The following ROBO4 variants were observed in gnomAD, a reference collection of about 807,000 sequenced individuals.
The protein encoded by ROBO4 is roundabout homolog 4.
In ROBO4, 80 loss-of-function variants were observed where a neutral mutation model predicts 103.3. The observed-to-expected ratio is 0.77, with a 90% confidence interval of 0.65 to 0.93. The LOEUF (loss-of-function observed/expected upper bound fraction) is 0.93. Ranked by LOEUF, ROBO4 falls within the 40% of genes least tolerant of loss-of-function variation. ROBO4 has a pLI of 0.00. For synonymous variants in ROBO4, 504 were observed against 529.7 expected, an observed-to-expected ratio of 0.95 and a Z score of 0.67; for missense variants, 1,333 against 1,305.3, an observed-to-expected ratio of 1.02 and a Z score of -0.33.
In ROBO4 at chr11:124,887,828, G is replaced by A; in HGVS notation, c.1961C>T (p.Ala654Val). 1 of 1,613,308 alleles carries A rather than the reference G, an allele frequency of 6.2e-7. No homozygotes were observed. The highest frequency in any genetic ancestry group is 8.5e-7 in the Non-Finnish European group (1 of 1,179,706). Residue 654 changes from alanine (A) to valine (V), a missense_variant, in exon 13 of 18, where the codon GCC (alanine) becomes GTC (valine). Transcript: ENST00000306534. ...GCCCCGGAGCAGTGGGGAACTGTTG[G>A]CATGCTGCAGCTCTGCAAAGAAAGG... ...KAKKKQELQH[A>V]NSSPLLRGSH... is the part of the protein sequence containing the mutation.
Position 124,891,818 on chromosome 11 carries a change from G to A in ROBO4, c.1548-16C>T. 1.2e-6 allele frequency: 2 copies of A among 1,613,774 alleles called. No homozygotes were observed. The highest frequency in any genetic ancestry group is 1.7e-6 in the Non-Finnish European group (2 of 1,179,840). On this transcript the variant is annotated splice_polypyrimidine_tract_variant and intron_variant, in intron 10 of 17. Coordinates refer to ENST00000306534, the MANE Select transcript of ROBO4 (RefSeq NM_019055.6). The stretch of plus-strand genomic sequence containing the variant: ...GTGATCCATCCTGGGGCAGTGGAGG[G>A]AGGGGGTGAGGCCAGGAGAAACAGG...
In ROBO4 at chr11:124,887,853, G is replaced by C; in HGVS notation, c.1949-13C>G. 6.2e-7 allele frequency: 1 copy of C among 1,607,896 alleles called. No homozygotes were observed. On this transcript the variant is annotated splice_polypyrimidine_tract_variant and intron_variant, in intron 12 of 17. Transcript: ENST00000306534. ...GCATGCTGCAGCTCTGCAAAGAAAGGGTTGGTGGTTGTGGGGCCCAGGATG... is the reference window on the plus strand; with the variant it reads ...GCATGCTGCAGCTCTGCAAAGAAAGCGTTGGTGGTTGTGGGGCCCAGGATG...
Position 124,894,219 on chromosome 11 carries a change from G to T in ROBO4, c.1300C>A (p.Pro434Thr). 1 of 1,612,890 alleles carries T rather than the reference G, an allele frequency of 6.2e-7. No homozygotes were observed. The highest frequency in any genetic ancestry group is 8.5e-7 in the Non-Finnish European group (1 of 1,179,542). ...CCCTCACCTAAAAGGAGGCAGACAG[G>T]TCTACTGGGCTCCCCAGCTCCAGCA... Reference protein sequence around the residue: ...TGAGAGEPSRPVCLLLEQAME... With the variant: ...TGAGAGEPSRTVCLLLEQAME... Residue 434 changes from proline (P) to threonine (T), a missense_variant, in exon 8 of 18, where the codon CCT becomes ACT. By Grantham distance (38) the Pro-to-Thr change is conservative. Transcript: ENST00000306534.
Position 124,894,369 on chromosome 11 carries a change from C to A in ROBO4, c.1150G>T (p.Val384Phe). ...AGTGATGTGTTGCCCAGGCTCCAGA[C>A]CTGAGGCACAAGCAGAGGTGAACAG... ...NHNGIIRGYQ[V>F]WSLGNTSLPP... The change falls in exon 8 of 18, where the codon GTC (valine) becomes TTC (phenylalanine). Residue 384 changes from valine to phenylalanine, a missense_variant and splice_region_variant. Val to Phe is a conservative substitution (Grantham distance 50). Coordinates refer to ENST00000306534, the MANE Select transcript of ROBO4 (RefSeq NM_019055.6). The A allele has an allele frequency of 1.9e-6, 3 of 1,610,768 alleles. No homozygotes were observed. The highest frequency in any genetic ancestry group is 2.5e-6 in the Non-Finnish European group (3 of 1,178,908).
intron 10 of ROBO4, chr11:124,892,369 C>G (rs778412644): frequency 1.5e-5 from 4 of 265,812 alleles, no homozygotes; most frequent in Non-Finnish European, 2.9e-5. Context: ...CTGCGTAAGA[C>G]CTTCAATGGC....
intron 15 of ROBO4, 45 bp downstream of exon 15, chr11:124,886,932 C>A: frequency 1.3e-6 from 2 of 1,569,088 alleles, no homozygotes; most frequent in Non-Finnish European, 1.7e-6. Flanking sequence ...GCGCTTGCCC[C>A]CACAGCTTTT....
rs753531162 is a variant in ROBO4 at position 124,885,259 on chromosome 11, G to A, written c.2795-12C>T. 6.2e-7 allele frequency: 1 copy of A among 1,603,954 alleles called. No homozygotes were observed. Reference sequence around the variant, plus strand: ...AGGTGATGAGGCATCTGTCAGGGAGGGTAGAGGTGTCTGTGGGAGGTTGAC... The same window carrying A: ...AGGTGATGAGGCATCTGTCAGGGAGAGTAGAGGTGTCTGTGGGAGGTTGAC... On this transcript the variant is annotated splice_polypyrimidine_tract_variant and intron_variant, in intron 16 of 17. Transcript: ENST00000306534.
chr11:124,893,976 G>A lies in ROBO4; in HGVS notation c.1388C>T (p.Ala463Val). 6.3e-7 allele frequency: 1 copy of A among 1,593,756 alleles called. No individual in the cohort carries two copies. Among genetic ancestry groups the A allele is most frequent in the South Asian group, 1.2e-5 (1 of 86,938 alleles). Reference sequence around the variant, plus strand: ...AATGACCTCAGGCCGCTTCAAGGTAGCCCTCAGCTGCTCCAGGGTCCAGGG... The same window carrying A: ...AATGACCTCAGGCCGCTTCAAGGTAACCCTCAGCTGCTCCAGGGTCCAGGG... The part of the protein sequence containing the change: ...HGPWTLEQLR[A>V]TLKRPEVIAT... Residue 463 changes from alanine to valine, a missense_variant, in exon 9 of 18, where the codon GCT becomes GTT. Coordinates refer to ENST00000306534, the MANE Select transcript of ROBO4 (RefSeq NM_019055.6).
intron 10 of ROBO4, among the ~76,000 whole-genome samples, chr11:124,893,365 G>A (rs1039298557): frequency 2.6e-5 from 4 of 152,200 alleles, no homozygotes; most frequent in Non-Finnish European, 4.4e-5. Flanking sequence ...ATGGGTGCAC[G>A]CATAAGATGA....
chr11:124,885,079 T>C lies in ROBO4; in HGVS notation c.2963A>G (p.Gln988Arg), dbSNP rs1182709308. ...PWPPDSQISS[Q>R]RSQLHCRMPK... The stretch of plus-strand genomic sequence containing the variant: ...CATACGACAGTGGAGCTGACTTCTC[T>C]GGGAAGAGATCTGAGAGTCAGGGGG... The change falls in exon 17 of 18, where the codon CAG (glutamine) becomes CGG (arginine). Residue 988 changes from glutamine (Q) to arginine (R), a missense_variant. Transcript: ENST00000306534. 1 of 1,614,184 alleles carries C rather than the reference T, an allele frequency of 6.2e-7. No individual in the cohort carries two copies. The highest frequency in any genetic ancestry group is 1.7e-5 in the Admixed American group (1 of 60,026).
rs1392356628 is a variant in ROBO4, at chr11:124,894,544, C to T, written c.1150-175G>A. On this transcript the variant is annotated intron_variant, in intron 7 of 17. Coordinates refer to ENST00000306534, the MANE Select transcript of ROBO4 (RefSeq NM_019055.6). ...CCTACCAAGTGAGAGATACCTCTCT[C>T]TAGATCAACAGTAGAAGGGCACAAG... 14 of 606,822 alleles carry T rather than the reference C, an allele frequency of 2.3e-5. No individual in the cohort carries two copies. In the South Asian group the frequency reaches 2.9e-4, roughly 12 times the overall value. 37.6% of individuals were successfully genotyped at this position (606,822 alleles called of 1,614,324 possible).
At position 124,896,280 on chromosome 11, in the gene ROBO4, C is replaced by A. The variant is rs773477762; in HGVS notation, c.597G>T (p.Lys199Asn). The A allele has an allele frequency of 7.1e-5, 115 of 1,614,062 alleles. No individual in the cohort carries two copies. The highest frequency in any genetic ancestry group is 9.4e-5 in the Non-Finnish European group (111 of 1,180,042). ...GGSLLMARAEKSDEGTYMCVA... is the reference protein window; with the variant it reads ...GGSLLMARAENSDEGTYMCVA... ...CACACATGTAGGTCCCTTCGTCACT[C>A]TTCTCTGCTCTTGCCATCAGCAGGG... The change falls in exon 4 of 18, where the codon AAG (lysine) becomes AAT (asparagine). Residue 199 changes from lysine (K) to asparagine (N), a missense_variant. Physicochemically the swap from Lys to Asn is moderately conservative, Grantham distance 94. Transcript: ENST00000306534.
rs781111163 is a variant in ROBO4, at chr11:124,895,557, G to T, written c.936C>A (p.Gly312=). Residue 312 remains glycine, a synonymous_variant, in exon 6 of 18, where the codon GGC becomes GGA. Coordinates refer to ENST00000306534, the MANE Select transcript of ROBO4 (RefSeq NM_019055.6). ...ACTCGTAGTCTTGGCCCCAGTGGAG[G>T]CCTCCAAGCTCTGCGCTCTGCCAGC... ...LAGWQSAELG[G]LHWGQDYEFK... 4 of 1,612,744 alleles carry T rather than the reference G, an allele frequency of 2.5e-6. No homozygotes were observed. The Admixed American group carries it at 6.7e-5, about 27-fold the overall frequency.
intron 10 of ROBO4, 57 bp downstream of exon 10, chr11:124,893,631 A>G: frequency 6.6e-7 from 1 of 1,504,742 alleles, no homozygotes; most frequent in South Asian, 1.1e-5. Flanking sequence ...TCTCTGTTGC[A>G]GCTCCACTGT....
At chr11:124,885,285 C>T (rs780156574) in intron 16 of ROBO4, 38 bp from the exon 17 acceptor site, 3 of 1,569,776 alleles carry the variant, frequency 1.9e-6, no homozygotes, top group Admixed American at 3.4e-5. Context: ...GGAGGTTGAC[C>T]TTCAGCCCCT....
In ROBO4 at chr11:124,884,745, T is replaced by A; in HGVS notation, c.*146A>T. On this transcript the variant is annotated 3_prime_UTR_variant, in exon 18 of 18. Transcript: ENST00000306534. ...TTGTTTTCATTTGTTTTCACAATCG[T>A]GGAGGGAGAACTCTCTGGAGGCTTG... 1.1e-6 allele frequency: 1 copy of A among 903,714 alleles called. No individual in the cohort carries two copies. Among genetic ancestry groups the A allele is most frequent in the Non-Finnish European group, 1.8e-6 (1 of 556,732 alleles). The allele number at this position is 903,714 out of a possible 1,614,324, so 56.0% of individuals were successfully genotyped here.
chr11:124,885,836 G>C (rs918933726), intron 16 of ROBO4, among the ~76,000 whole-genome samples: 1 of 152,138 alleles, frequency 6.6e-6, no homozygotes, highest in Admixed American at 6.5e-5. Context: ...GACTCAAGTC[G>C]GGGTAAGAGG....
rs202165756 is a variant in ROBO4 at position 124,896,186 on chromosome 11, C to G, written c.679+12G>C. The G allele has an allele frequency of 4.3e-6, 7 of 1,613,042 alleles. No homozygotes were observed. In the Admixed American group the frequency reaches 1.0e-4, roughly 23 times the overall value. ...CAGCCTGGCTCTGATTGTAGCCCAC[C>G]CCTGCCCTTACCCTGGATGGAAACC... On this transcript the variant is annotated intron_variant, in intron 4 of 17. Coordinates refer to ENST00000306534, the MANE Select transcript of ROBO4 (RefSeq NM_019055.6).
At position 124,885,078 on chromosome 11, in the gene ROBO4, C is replaced by T. The variant is rs946123246; in HGVS notation, c.2964G>A (p.Gln988=). ...GCATACGACAGTGGAGCTGACTTCT[C>T]TGGGAAGAGATCTGAGAGTCAGGGG... is the stretch of plus-strand genomic sequence containing the variant. The part of the protein sequence containing the change: ...PWPPDSQISS[Q]RSQLHCRMPK... The change falls in exon 17 of 18, where the codon CAG becomes CAA. Residue 988 remains glutamine (Q), a synonymous_variant. Transcript: ENST00000306534. The T allele has an allele frequency of 6.2e-6, 10 of 1,614,072 alleles. No homozygotes were observed. The highest frequency in any genetic ancestry group is 1.7e-5 in the Admixed American group (1 of 60,008).
Sources: gnomAD v4.1 joint callset for allele counts (sites outside exome capture counted in the v4.1 genomes callset) on GRCh38, gnomAD v4.1.1 for gene constraint, MANE v1.5 for transcripts, NCBI Gene and HGNC (gene_info 2026-07-23, HGNC 2026-07-21) for gene names.